COQ8A: variants seen among roughly 807,000 people sequenced by gnomAD.
The protein encoded by COQ8A is atypical kinase COQ8A, mitochondrial.
In COQ8A, 51 loss-of-function variants were observed where a neutral mutation model predicts 65.0. That is an observed-to-expected ratio of 0.78 (90% CI 0.63 to 0.99). The LOEUF (loss-of-function observed/expected upper bound fraction) is 0.99. Ranked by LOEUF, COQ8A falls within the 50% of genes least tolerant of loss-of-function variation. The pLI is 0.00. For synonymous variants in COQ8A, 371 were observed against 353.2 expected (o/e 1.05, Z -0.57); for missense variants, 940 against 875.0 (o/e 1.07, Z -0.94).
In COQ8A at chr1:226,986,626, G is replaced by A. The variant is rs753431843; in HGVS notation, c.1833G>A (p.Arg611=). The A allele has an allele frequency of 3.7e-6, 6 of 1,613,896 alleles. 1 individual carries two copies. In the Middle Eastern group the frequency reaches 6.6e-4, roughly 177 times the overall value. ...CCGAGGAAACCTACTCCCTGCACAG[G>A]AAGATGGGGGGCTCCTTCCTCATCT... ...PPPEETYSLH[R]KMGGSFLICS... is the part of the protein sequence containing the mutation. Residue 611 remains arginine, a synonymous_variant, in exon 15 of 15, where the codon AGG becomes AGA. Coordinates refer to ENST00000366777, the MANE Select transcript of COQ8A (RefSeq NM_020247.5).
rs756506218 is a variant in COQ8A, at chr1:226,986,733, A to T, written c.1940A>T (p.Gln647Leu). ...YSNYCKRQAQ[Q>L] is the part of the protein sequence containing the mutation. Reference sequence around the variant, plus strand: ...AACTACTGCAAGAGGCAGGCCCAGCAGTAGGGCTGCGGGCCACGCCCAGGC... The same window carrying T: ...AACTACTGCAAGAGGCAGGCCCAGCTGTAGGGCTGCGGGCCACGCCCAGGC... The change falls in exon 15 of 15, where the codon CAG becomes CTG. Residue 647 changes from glutamine to leucine, a missense_variant. Gln to Leu is a moderately radical substitution (Grantham distance 113). Coordinates refer to ENST00000366777, the MANE Select transcript of COQ8A (RefSeq NM_020247.5). 6.2e-7 allele frequency: 1 copy of T among 1,612,834 alleles called. No homozygotes were observed. The highest frequency in any genetic ancestry group is 8.5e-7 in the Non-Finnish European group (1 of 1,179,982).
intron 5 of COQ8A, among the ~76,000 whole-genome samples, chr1:226,980,486 C>T (rs562947382): frequency 1.3e-5 from 2 of 152,332 alleles, no homozygotes; most frequent in East Asian, 3.9e-4. Context: ...TGCCCCTCCC[C>T]AGGGACCCAG....
intron 14 of COQ8A, among the ~76,000 whole-genome samples, chr1:226,985,916 T>C (rs993225984): frequency 6.6e-6 from 1 of 152,190 alleles, no homozygotes; most frequent in African/African-American, 2.4e-5. Flanking sequence ...GCAGCAGCTC[T>C]CTCCCGCCTC....
chr1:226,944,193 G>A (rs1001628574), intron 1 of COQ8A, among the ~76,000 whole-genome samples: 1 of 151,960 alleles, frequency 6.6e-6, no homozygotes, highest in African/African-American at 2.4e-5. Flanking sequence ...TGGCTGAGGA[G>A]ACCCACTGGC....
intron 2 of COQ8A, among the ~76,000 whole-genome samples, chr1:226,962,835 C>A (rs1298903491): frequency 6.6e-6 from 1 of 152,218 alleles, no homozygotes; most frequent in Non-Finnish European, 1.5e-5. Context: ...CCAGCCTGGA[C>A]CATCACACCC....
Position 226,965,734 on chromosome 1 carries a change from G to A in COQ8A, c.652G>A (p.Gly218Arg). Residue 218 changes from glycine to arginine, a missense_variant, in exon 4 of 15, where the codon GGA becomes AGA. Coordinates refer to ENST00000366777, the MANE Select transcript of COQ8A (RefSeq NM_020247.5). Reference sequence around the variant, plus strand: ...GAGGATTGGCCGGCTGGCCAACTTCGGAGGTAAGGTGGCTGTGTGCCCCTG... The same window carrying A: ...GAGGATTGGCCGGCTGGCCAACTTCAGAGGTAAGGTGGCTGTGTGCCCCTG... ...VTRIGRLANF[G>R]GLAVGLGFGA... The A allele has an allele frequency of 6.2e-7, 1 of 1,613,660 alleles. No individual in the cohort carries two copies. The highest frequency in any genetic ancestry group is 8.5e-7 in the Non-Finnish European group (1 of 1,179,990).
chr1:226,961,296 A>C, intron 1 of COQ8A, 81 bp from the exon 2 acceptor site: 2 of 1,477,958 alleles, frequency 1.4e-6, no homozygotes, highest in Non-Finnish European at 1.9e-6. Flanking sequence ...CCTTCTGCTC[A>C]GAGTTTGGTG....
intron 2 of COQ8A, among the ~76,000 whole-genome samples, chr1:226,964,225 C>G (rs530144352): frequency 6.6e-6 from 1 of 152,202 alleles, no homozygotes; most frequent in African/African-American, 2.4e-5. Context: ...ATTATAGGCT[C>G]CTGGGTGCTG....
rs547845394 is a variant in COQ8A at position 226,986,285 on chromosome 1, G to A, written c.1660-168G>A. ...CATCAGCCCAGTCCATGTTACCCTC[G>A]TGTTCCCGGCCCCTGTGGGTTTGAG... is the stretch of plus-strand genomic sequence containing the variant. On this transcript the variant is annotated intron_variant, in intron 14 of 14. Coordinates refer to ENST00000366777, the MANE Select transcript of COQ8A (RefSeq NM_020247.5). 1.5e-4 allele frequency among the ~76,000 whole-genome samples: 23 copies of A among 152,200 alleles called. No individual in the cohort carries two copies. The East Asian group carries it at 4.3e-3, about 28-fold the overall frequency.
intron 1 of COQ8A, among the ~76,000 whole-genome samples, chr1:226,958,754 C>G (rs912096245): frequency 4.6e-5 from 7 of 152,180 alleles, no homozygotes; most frequent in African/African-American, 1.7e-4. Flanking sequence ...CAGAGGAGAG[C>G]AGGCAGGCAC....
intron 4 of COQ8A, among the ~76,000 whole-genome samples, chr1:226,966,862 ATG>A (rs369266153): frequency 0.01 from 1,542 of 152,126 alleles, 12 homozygotes; most frequent in Non-Finnish European, 0.015. Flanking sequence ...GAGCTGCGTA[ATG>A]TGTGTGGGTT....
chr1:226,945,602 G>C (rs968338164), intron 1 of COQ8A, among the ~76,000 whole-genome samples: 6 of 152,186 alleles, frequency 3.9e-5, no homozygotes, highest in Admixed American at 2.6e-4. Flanking sequence ...TGTGGCTCTT[G>C]CTCCCTAAGG....
chr1:226,965,544 G>T, intron 3 of COQ8A, 127 bp from the exon 4 acceptor site: 1 of 1,496,230 alleles, frequency 6.7e-7, no homozygotes. Flanking sequence ...TTCTCTTGGT[G>T]GAGTGTGCTG....
chr1:226,950,448 T>C (rs1162435268), intron 1 of COQ8A, among the ~76,000 whole-genome samples: 1 of 152,254 alleles, frequency 6.6e-6, no homozygotes, highest in Non-Finnish European at 1.5e-5. Flanking sequence ...GCCTAGCTCC[T>C]GAGCCATGAT....
intron 1 of COQ8A, among the ~76,000 whole-genome samples, chr1:226,950,834 A>G (rs1346844420): frequency 6.6e-6 from 1 of 152,148 alleles, no homozygotes; most frequent in Non-Finnish European, 1.5e-5. Context: ...TGTTATTAGC[A>G]CAAGAATGTA....
In COQ8A at chr1:226,982,697, C is replaced by T. The variant is rs200849486; in HGVS notation, c.873C>T (p.Pro291=). ...LSIQDDAFIN[P]HLAKIFERVR... is the part of the protein sequence containing the mutation. ...TTCCAGATGATGCCTTTATCAACCCCCACCTGGCTAAGATCTTCGAGCGGG... is the reference window on the plus strand; with the variant it reads ...TTCCAGATGATGCCTTTATCAACCCTCACCTGGCTAAGATCTTCGAGCGGG... The change falls in exon 7 of 15, where the codon CCC becomes CCT. Residue 291 remains proline (P), a synonymous_variant. Coordinates refer to ENST00000366777, the MANE Select transcript of COQ8A (RefSeq NM_020247.5). The T allele has an allele frequency of 2.5e-6, 4 of 1,613,616 alleles. No homozygotes were observed. The highest frequency in any genetic ancestry group is 1.7e-5 in the Admixed American group (1 of 60,026).
Position 226,986,823 on chromosome 1 carries a change from CTTTT to C in COQ8A, c.*88_*91del, listed in dbSNP as rs1363095772. The C allele has an allele frequency of 4.0e-6, 6 of 1,503,528 alleles. No homozygotes were observed. The highest frequency in any genetic ancestry group is 5.4e-6 in the Non-Finnish European group (6 of 1,115,752). 93.1% of individuals were successfully genotyped at this position (1,503,528 alleles called of 1,614,324 possible). On this transcript the variant is annotated 3_prime_UTR_variant, in exon 15 of 15. Coordinates refer to ENST00000366777, the MANE Select transcript of COQ8A (RefSeq NM_020247.5). ...CCAGTAGCGAGGTCGTGGTGATGCTCTTTTTAACTCCTTTGCCCAATAAGGGGGG... is the reference window on the plus strand; with the variant it reads ...CCAGTAGCGAGGTCGTGGTGATGCTCTAACTCCTTTGCCCAATAAGGGGGG...
Position 226,982,880 on chromosome 1 carries a change from G to A in COQ8A, c.940-14G>A, listed in dbSNP as rs368246068. ...AGGGCATGCTCAGAGCCCCTCCCTG[G>A]CCCTGCCCTTCAGAAAACTCTCAAC... On this transcript the variant is annotated splice_polypyrimidine_tract_variant and intron_variant, in intron 7 of 14. Transcript: ENST00000366777. 2.5e-6 allele frequency: 4 copies of A among 1,612,608 alleles called. No homozygotes were observed. The African/African-American group carries it at 5.3e-5, about 22-fold the overall frequency.
intron 7 of COQ8A, 39 bp downstream of exon 7, chr1:226,982,802 G>A (rs574495992): frequency 5.6e-6 from 9 of 1,612,870 alleles, no homozygotes; most frequent in East Asian, 4.5e-5. Context: ...CTGTGGCCTC[G>A]GCCCCCACTG....
Sources: allele counts gnomAD v4.1 joint callset (sites outside exome capture counted in the v4.1 genomes callset), GRCh38; gene constraint gnomAD v4.1.1; transcripts MANE v1.5; gene names NCBI Gene and HGNC (gene_info 2026-07-23, HGNC 2026-07-21).